Variants in KLHL6 observed in about 807,000 individuals in gnomAD.
KLHL6 encodes the protein kelch like family member 6, also known as kelch-like protein 6.
Under a neutral mutation model 58.6 loss-of-function variants are expected in KLHL6, and 41 were observed. The ratio of observed to expected loss-of-function variants is 0.70; its 90% confidence interval spans 0.55 to 0.91. KLHL6 has a LOEUF of 0.91. Ranked by LOEUF, KLHL6 falls within the 40% of genes least tolerant of loss-of-function variation. KLHL6 has a pLI of 0.00. For synonymous variants in KLHL6, 338 were observed against 322.7 expected, an observed-to-expected ratio of 1.05 and a Z score of -0.51; for missense variants, 714 against 805.6, an observed-to-expected ratio of 0.89 and a Z score of 1.38.
In KLHL6 at chr3:183,539,193, A is replaced by G. The variant is rs150356127; in HGVS notation, c.294-11183T>C. On this transcript the variant is annotated intron_variant, in intron 1 of 6. Transcript: ENST00000341319. ...ATCAAGGTCATGGAAACAATTGGCCATAGTGCTAGGGAAGATATGTTTCGG... is the reference window on the plus strand; with the variant it reads ...ATCAAGGTCATGGAAACAATTGGCCGTAGTGCTAGGGAAGATATGTTTCGG... Among the ~76,000 whole-genome samples, 563 of 152,198 alleles carry G rather than the reference A, an allele frequency of 3.7e-3. 2 individuals are homozygous for G. The highest frequency in any genetic ancestry group is 0.013 in the African/African-American group (522 of 41,430).
Position 183,492,521 on chromosome 3 carries a change from T to C in KLHL6, c.1537A>G (p.Ser513Gly), listed in dbSNP as rs565077509. The C allele has an allele frequency of 1.2e-6, 2 of 1,614,198 alleles. No individual in the cohort carries two copies. The highest frequency in any genetic ancestry group is 2.2e-5 in the East Asian group (1 of 44,880). The change falls in exon 6 of 7, where the codon AGT becomes GGT. Residue 513 changes from serine (S) to glycine (G), a missense_variant. Transcript: ENST00000341319. The surrounding 1 kb of genome is among the most constrained non-coding windows in gnomAD (Gnocchi z 5.9). ...ACGACATAGATGCGGTCCCGGAAAC[T>C]CACTGCATTGATGCATTTAGCCTCC... Reference protein sequence around the residue: ...PVEAKCINAVSFRDRIYVVGG... With the variant: ...PVEAKCINAVGFRDRIYVVGG...
chr3:183,523,710 T>TA (rs398106817), intron 2 of KLHL6, among the ~76,000 whole-genome samples: 1 of 50,948 alleles, frequency 2.0e-5, no homozygotes, highest in Non-Finnish European at 8.3e-5. Flanking sequence ...TTGTTTTTTT[T>TA]CCATAAGTTT....
chr3:183,540,339 G>C (rs1712512648), intron 1 of KLHL6, among the ~76,000 whole-genome samples: 1 of 152,142 alleles, frequency 6.6e-6, no homozygotes, highest in Non-Finnish European at 1.5e-5. Flanking sequence ...AAGAAGGAGA[G>C]AGAAACTGAG....
intron 1 of KLHL6, among the ~76,000 whole-genome samples, chr3:183,533,673 CGAGA>C (rs1171850857): frequency 1.3e-5 from 2 of 152,030 alleles, no homozygotes; most frequent in Admixed American, 6.6e-5. Flanking sequence ...AGAGAGAGAA[CGAGA>C]GAGAGACAGA....
At chr3:183,510,446 G>T (rs1718149611) in intron 2 of KLHL6, among the ~76,000 whole-genome samples, 1 of 152,130 alleles carries the variant, frequency 6.6e-6, no homozygotes, top group Non-Finnish European at 1.5e-5. Context: ...CTGGTTCTAA[G>T]AGTGGACCAA....
rs114212192 is a variant in KLHL6 at position 183,508,237 on chromosome 3, C to T, written c.731G>A (p.Arg244Gln). 1.7e-3 allele frequency: 2,790 copies of T among 1,614,106 alleles called. 38 individuals are homozygous for T. The African/African-American group carries it at 0.026, about 15-fold the overall frequency. Residue 244 changes from arginine to glutamine, a missense_variant, in exon 3 of 7, where the codon CGG (arginine) becomes CAG (glutamine). Physicochemically the swap from Arg to Gln is conservative, Grantham distance 43. Around this residue, in one of 2 missense-constraint regions of KLHL6, gnomAD observed 510 missense variants for 629.7 expected, o/e 0.81. Transcript: ENST00000341319. ...QVFETVMSWV[R>Q]HKPSERLCLL... ...GCAGAGTCGTTCTGATGGCTTGTGC[C>T]GGACCCAGCTCATCACGGTCTCAAA...
In KLHL6 at chr3:183,527,951, A is replaced by C; in HGVS notation, c.353T>G (p.Val118Gly). The C allele has an allele frequency of 6.2e-7, 1 of 1,613,774 alleles. No individual in the cohort carries two copies. Among genetic ancestry groups the C allele is most frequent in the Non-Finnish European group, 8.5e-7 (1 of 1,179,954 alleles). The change falls in exon 2 of 7, where the codon GTT becomes GGT. Residue 118 changes from valine (V) to glycine (G), a missense_variant. By Grantham distance (109) the Val-to-Gly change is moderately radical (BLOSUM62 -3). Around this residue, in one of 2 missense-constraint regions of KLHL6, gnomAD observed 204 missense variants for 175.9 expected, o/e 1.16. Coordinates refer to ENST00000341319, the MANE Select transcript of KLHL6 (RefSeq NM_130446.4). ...CAGAGTGTGCATGGTCTCAGCATCA[A>C]CCCCTTTAATAATGATCCTTTTCTC... The part of the protein sequence containing the change: ...KYEKRIIIKG[V>G]DAETMHTLLD...
intron 2 of KLHL6, chr3:183,521,252 G>C (rs531057332): frequency 2.6e-5 from 4 of 152,576 alleles, no homozygotes; most frequent in Non-Finnish European, 5.9e-5. Flanking sequence ...TCTCAAGGCA[G>C]AAGAATTTTT....
At chr3:183,528,067 A>C (rs1454586771) in intron 1 of KLHL6, 57 bp from the exon 2 acceptor site, 14 of 1,594,474 alleles carry the variant, frequency 8.8e-6, no homozygotes, top group Non-Finnish European at 1.2e-5. Flanking sequence ...CCAGGCCTAA[A>C]GAGATCCCCT....
chr3:183,517,061 A>G (rs1285295350), intron 2 of KLHL6, among the ~76,000 whole-genome samples: 5 of 152,092 alleles, frequency 3.3e-5, no homozygotes, highest in Admixed American at 3.3e-4. Flanking sequence ...GGCTCGCACC[A>G]CCACACCCAG....
chr3:183,508,379 T>C lies in KLHL6; in HGVS notation c.589A>G (p.Ile197Val), dbSNP rs1453116544. ...AGAATCTGCACAAAGTTTTGAATGA[T>C]GTAACTCTGAACCTGCTTCTTTAGA... is the stretch of plus-strand genomic sequence containing the variant. The part of the protein sequence containing the change: ...DSLKKQVQSY[I>V]IQNFVQILNS... The change falls in exon 3 of 7, where the codon ATC (isoleucine) becomes GTC (valine). Residue 197 changes from isoleucine to valine, a missense_variant. Physicochemically the swap from Ile to Val is conservative, Grantham distance 29. Around this residue, in one of 2 missense-constraint regions of KLHL6, gnomAD observed 510 missense variants for 629.7 expected, o/e 0.81. Coordinates refer to ENST00000341319, the MANE Select transcript of KLHL6 (RefSeq NM_130446.4). 6.2e-7 allele frequency: 1 copy of C among 1,614,114 alleles called. No individual in the cohort carries two copies. Among genetic ancestry groups the C allele is most frequent in the Non-Finnish European group, 8.5e-7 (1 of 1,180,054 alleles).
chr3:183,493,960 T>C, intron 5 of KLHL6, 119 bp downstream of exon 5: 1 of 883,706 alleles, frequency 1.1e-6, no homozygotes, highest in East Asian at 2.4e-5. Context: ...CCAAAACTGT[T>C]CTCCTTGGAA....
intron 1 of KLHL6, among the ~76,000 whole-genome samples, chr3:183,531,951 C>T (rs1246082975): frequency 2.0e-5 from 3 of 152,136 alleles, no homozygotes; most frequent in East Asian, 1.9e-4. Flanking sequence ...GAGTTGATGC[C>T]GGAATAAATT....
intron 2 of KLHL6, among the ~76,000 whole-genome samples, chr3:183,509,625 T>G (rs755130490): frequency 1.6e-4 from 24 of 152,170 alleles, no homozygotes; most frequent in Non-Finnish European, 2.2e-4. Context: ...GCCAGGAAGA[T>G]GGAAAGCCCT....
intron 1 of KLHL6, among the ~76,000 whole-genome samples, chr3:183,545,580 C>T (rs905355485): frequency 6.6e-6 from 1 of 152,060 alleles, no homozygotes; most frequent in Non-Finnish European, 1.5e-5. Flanking sequence ...TATGAAGAGG[C>T]CTGTTTTCAG....
rs142525680 is a variant in KLHL6, at chr3:183,508,493, C to G, written c.475G>C (p.Asp159His). ...ANLFQFLRMV[D>H]ACASFLTEAL... is the part of the protein sequence containing the mutation. ...TCAGTGAGGAAGCTGGCACAGGCATCCACCATCCGCAGGAACTGATGAAAT... is the reference window on the plus strand; with the variant it reads ...TCAGTGAGGAAGCTGGCACAGGCATGCACCATCCGCAGGAACTGATGAAAT... The change falls in exon 3 of 7, where the codon GAT becomes CAT. Residue 159 changes from aspartate to histidine, a missense_variant. Coordinates refer to ENST00000341319, the MANE Select transcript of KLHL6 (RefSeq NM_130446.4). 2.5e-6 allele frequency: 4 copies of G among 1,613,584 alleles called. No individual in the cohort carries two copies. The Admixed American group carries it at 6.7e-5, about 27-fold the overall frequency.
chr3:183,506,797 C>T (rs1157897656), intron 3 of KLHL6, among the ~76,000 whole-genome samples: 3 of 151,632 alleles, frequency 2.0e-5, no homozygotes, highest in Non-Finnish European at 4.4e-5. Context: ...CACTGTACTC[C>T]AGCCTGGGCA....
intron 1 of KLHL6, among the ~76,000 whole-genome samples, chr3:183,542,758 T>A (rs192580910): frequency 5.1e-4 from 78 of 152,272 alleles, no homozygotes; most frequent in African/African-American, 1.8e-3. Context: ...AGATGATGAT[T>A]TCCAGGTCAA....
At position 183,527,909 on chromosome 3, in the gene KLHL6, G is replaced by C; in HGVS notation, c.395C>G (p.Thr132Ser). Residue 132 changes from threonine to serine, a missense_variant, in exon 2 of 7, where the codon ACC (threonine) becomes AGC (serine). By Grantham distance (58) the Thr-to-Ser change is moderately conservative. Around this residue, in one of 2 missense-constraint regions of KLHL6, gnomAD observed 204 missense variants for 175.9 expected, o/e 1.16. Transcript: ENST00000341319. ...CTGCTTGGTGATCAGCGCCTTGCTG[G>C]TGTACGTGTAGTCCAACAGAGTGTG... ...TMHTLLDYTY[T>S]SKALITKQNV... is the part of the protein sequence containing the mutation. 1 of 1,614,036 alleles carries C rather than the reference G, an allele frequency of 6.2e-7. No homozygotes were observed. The highest frequency in any genetic ancestry group is 8.5e-7 in the Non-Finnish European group (1 of 1,179,970).
Sources: allele counts gnomAD v4.1 joint callset (sites outside exome capture counted in the v4.1 genomes callset), GRCh38; gene constraint gnomAD v4.1.1; regional missense constraint gnomAD v4.1.1; non-coding constraint Gnocchi (gnomAD v3.1); transcripts MANE v1.5; gene names NCBI Gene and HGNC (gene_info 2026-07-23, HGNC 2026-07-21).